GALNT13: variants seen among roughly 807,000 people sequenced by gnomAD.
GALNT13 encodes polypeptide N-acetylgalactosaminyltransferase 13, also known as UDP-GalNAc:polypeptide N-acetylgalactosaminyltransferase 13.
Under a neutral mutation model 64.2 loss-of-function variants are expected in GALNT13, and 28 were observed. That is an observed-to-expected ratio of 0.44 (90% CI 0.32 to 0.60). The LOEUF (loss-of-function observed/expected upper bound fraction) is 0.60. Among genes scored for constraint, GALNT13 ranks in the 20% least tolerant of loss-of-function variants. GALNT13 has a pLI of 0.05. For missense variants in GALNT13, 577 were observed against 669.8 expected, an observed-to-expected ratio of 0.86 and a Z score of 1.53; for synonymous variants, 214 against 224.6, an observed-to-expected ratio of 0.95 and a Z score of 0.42.
chr2:153,543,017 A>T, the GALNT13 span, among the ~76,000 whole-genome samples: 2 of 152,222 alleles, frequency 1.3e-5, no homozygotes. Context: ...AGATAAAAAT[A>T]TATCTGTAAA....
At chr2:153,198,873 A>T in the GALNT13 span, among the ~76,000 whole-genome samples, 3 of 152,184 alleles carry the variant, frequency 2.0e-5, no homozygotes, top group Non-Finnish European at 4.4e-5. Flanking sequence ...CTAAGCAAGC[A>T]CGGTCTCTGT....
At chr2:153,551,521 T>C in the GALNT13 span, among the ~76,000 whole-genome samples, 1 of 152,200 alleles carries the variant, frequency 6.6e-6, no homozygotes, top group South Asian at 2.1e-4. Context: ...TGATTATGGC[T>C]TGGACCAAAG....
At chr2:154,397,416 G>A (rs1184486053) in intron 10 of GALNT13, among the ~76,000 whole-genome samples, 1 of 152,174 alleles carries the variant, frequency 6.6e-6, no homozygotes, top group Non-Finnish European at 1.5e-5. Flanking sequence ...TCCAGCCTGG[G>A]CGACAGAGTG....
the GALNT13 span, among the ~76,000 whole-genome samples, chr2:153,213,467 A>T: frequency 6.6e-6 from 1 of 152,214 alleles, no homozygotes; most frequent in African/African-American, 2.4e-5. Flanking sequence ...TTTGCTGTAC[A>T]AACATCATTG....
chr2:154,168,673 T>TAAAAAAA (rs70983708), intron 4 of GALNT13, among the ~76,000 whole-genome samples: 2 of 101,108 alleles, frequency 2.0e-5, no homozygotes, highest in Non-Finnish European at 4.3e-5. Flanking sequence ...TCTCTACTAT[T>TAAAAAAA]AAAAAAAAAA....
At chr2:153,703,572 T>C in the GALNT13 span, among the ~76,000 whole-genome samples, 45 of 152,266 alleles carry the variant, frequency 3.0e-4, no homozygotes, top group African/African-American at 1.0e-3. Flanking sequence ...AAAGAGTTGC[T>C]CTTCATTTTG....
chr2:153,257,737 G>A, the GALNT13 span, among the ~76,000 whole-genome samples: 1 of 152,082 alleles, frequency 6.6e-6, no homozygotes, highest in Non-Finnish European at 1.5e-5. Flanking sequence ...TCTAGAACTT[G>A]GAAACTATTT....
At chr2:154,408,471 C>A (rs1699650922) in intron 10 of GALNT13, among the ~76,000 whole-genome samples, 2 of 151,974 alleles carry the variant, frequency 1.3e-5, no homozygotes, top group Admixed American at 1.3e-4. Flanking sequence ...ATGTTTTACT[C>A]ACAGATATAA....
At chr2:153,091,157 T>C in the GALNT13 span, among the ~76,000 whole-genome samples, 1 of 152,084 alleles carries the variant, frequency 6.6e-6, no homozygotes, top group Admixed American at 6.6e-5. Context: ...TCGAAACCAC[T>C]ATCAATTTCA....
chr2:153,148,174 G>A, the GALNT13 span, among the ~76,000 whole-genome samples: 1 of 151,852 alleles, frequency 6.6e-6, no homozygotes, highest in African/African-American at 2.4e-5. Context: ...TCCAGAAACA[G>A]TCCGAATGCT....
chr2:153,222,332 TGGG>T, the GALNT13 span, among the ~76,000 whole-genome samples: 1 of 103,788 alleles, frequency 9.6e-6, no homozygotes, highest in Non-Finnish European at 2.0e-5. Flanking sequence ...GGGGGTGGGG[TGGG>T]GGGGGGGGTT....
At chr2:153,750,406 GT>G in the GALNT13 span, among the ~76,000 whole-genome samples, 1 of 151,808 alleles carries the variant, frequency 6.6e-6, no homozygotes, top group Non-Finnish European at 1.5e-5. Flanking sequence ...ATTTGTATTA[GT>G]TTTTCTTTAA....
the GALNT13 span, among the ~76,000 whole-genome samples, chr2:153,167,830 A>C: frequency 6.6e-6 from 1 of 152,186 alleles, no homozygotes; most frequent in East Asian, 1.9e-4. Context: ...AAAGATTTCA[A>C]AGAGCAAGGT....
At chr2:153,963,586 A>G (rs538244260) in intron 3 of GALNT13, among the ~76,000 whole-genome samples, 3 of 152,124 alleles carry the variant, frequency 2.0e-5, no homozygotes, top group Non-Finnish European at 4.4e-5. Context: ...CCAACACATC[A>G]TAGCCAGAAT....
At chr2:154,355,894 G>A (rs999178744) in intron 9 of GALNT13, among the ~76,000 whole-genome samples, 4 of 152,008 alleles carry the variant, frequency 2.6e-5, no homozygotes, top group Non-Finnish European at 4.4e-5. Context: ...AATTTTCTTA[G>A]TGACAGGAAT....
intron 4 of GALNT13, among the ~76,000 whole-genome samples, chr2:154,192,270 T>C (rs1019693125): frequency 7.2e-5 from 11 of 152,200 alleles, no homozygotes; most frequent in Non-Finnish European, 1.3e-4. Flanking sequence ...CGCTAGGGTC[T>C]CGGGGTTTTT....
chr2:153,746,272 A>G, the GALNT13 span, among the ~76,000 whole-genome samples: 1 of 152,146 alleles, frequency 6.6e-6, no homozygotes, highest in Admixed American at 6.6e-5. Context: ...AGCCCCTAGT[A>G]AGTATATACC....
chr2:154,385,905 C>T (rs1698491931), intron 9 of GALNT13, among the ~76,000 whole-genome samples: 1 of 152,002 alleles, frequency 6.6e-6, no homozygotes, highest in Admixed American at 6.6e-5. Flanking sequence ...AGGAAAAACA[C>T]AGCTTTTCCT....
chr2:153,690,959 T>A, the GALNT13 span, among the ~76,000 whole-genome samples: 2 of 152,114 alleles, frequency 1.3e-5, no homozygotes, highest in Non-Finnish European at 2.9e-5. Flanking sequence ...CATTAAGCTC[T>A]CAGTCAAATG....
Sources: allele counts gnomAD v4.1 joint callset (sites outside exome capture counted in the v4.1 genomes callset), GRCh38; gene constraint gnomAD v4.1.1; transcripts MANE v1.5; gene names NCBI Gene and HGNC (gene_info 2026-07-23, HGNC 2026-07-21).